The following TBC1D22A variants were observed in gnomAD, a reference collection of about 807,000 sequenced individuals.
TBC1D22A encodes putative GTPase activator.
In TBC1D22A, 38 loss-of-function variants were observed where a neutral mutation model predicts 60.2. That is an observed-to-expected ratio of 0.63 (90% CI 0.49 to 0.83). The LOEUF (loss-of-function observed/expected upper bound fraction) is 0.83. Ranked by LOEUF, TBC1D22A falls within the 40% of genes least tolerant of loss-of-function variation. TBC1D22A has a pLI of 0.00. For missense variants in TBC1D22A, 628 were observed against 701.0 expected (o/e 0.90, Z 1.18); for synonymous variants, 302 against 281.7 (o/e 1.07, Z -0.72).
At chr22:46,925,951 A>G (rs2071025106) in intron 8 of TBC1D22A, among the ~76,000 whole-genome samples, 1 of 152,240 alleles carries the variant, frequency 6.6e-6, no homozygotes, top group Non-Finnish European at 1.5e-5. Context: ...GAGAAGATGG[A>G]GTTTATACAA....
chr22:46,898,188 C>T (rs2068785636), intron 7 of TBC1D22A, among the ~76,000 whole-genome samples: 1 of 152,200 alleles, frequency 6.6e-6, no homozygotes, highest in East Asian at 1.9e-4. Context: ...GCTGACCTCT[C>T]AGGCCTCTTG....
chr22:46,978,382 A>G (rs141642902), intron 9 of TBC1D22A, among the ~76,000 whole-genome samples: 5 of 152,282 alleles, frequency 3.3e-5, no homozygotes, highest in African/African-American at 1.2e-4. Context: ...ACATATTATT[A>G]TAAGTAACAT....
chr22:46,762,723 G>T lies in TBC1D22A; in HGVS notation c.-64G>T. 7.3e-7 allele frequency: 1 copy of T among 1,361,466 alleles called. No individual in the cohort carries two copies. Among genetic ancestry groups the T allele is most frequent in the Non-Finnish European group, 9.5e-7 (1 of 1,049,038 alleles). The allele number at this position is 1,361,466 out of a possible 1,614,324, so 84.3% of individuals were successfully genotyped here. ...GCCACCCGGGGCACAGGAAAGGGCC[G>T]CTAGGGGAGGGCCGGGTGCACTCGG... On this transcript the variant is annotated 5_prime_UTR_variant, in exon 1 of 13. Coordinates refer to ENST00000337137, the MANE Select transcript of TBC1D22A (RefSeq NM_014346.5).
At chr22:46,772,119 A>G (rs2083503184) in intron 1 of TBC1D22A, among the ~76,000 whole-genome samples, 1 of 91,060 alleles carries the variant, frequency 1.1e-5, no homozygotes, top group Admixed American at 1.3e-4. Flanking sequence ...ATATGTATAC[A>G]CACATATACA....
chr22:46,908,210 G>A (rs1015916137), intron 7 of TBC1D22A, among the ~76,000 whole-genome samples: 1 of 152,336 alleles, frequency 6.6e-6, no homozygotes, highest in East Asian at 1.9e-4. Context: ...CAGGCACAAG[G>A]TGATGGTGGT....
intron 11 of TBC1D22A, among the ~76,000 whole-genome samples, chr22:47,097,099 G>GCCTCCACATGAGTATGGGCGTGC (rs2065213168): frequency 2.0e-5 from 3 of 149,474 alleles, no homozygotes; most frequent in Non-Finnish European, 3.0e-5. Context: ...TATGGGCGTG[G>GCCTCCACATGAGTATGGGCGTGC]CCCCGTGTCC....
chr22:47,052,049 C>T (rs1334484907), intron 11 of TBC1D22A, among the ~76,000 whole-genome samples: 1 of 148,448 alleles, frequency 6.7e-6, no homozygotes, highest in Non-Finnish European at 1.5e-5. Context: ...AGCGGTAAGG[C>T]AGGGTGGGGC....
intron 7 of TBC1D22A, among the ~76,000 whole-genome samples, chr22:46,898,878 G>A (rs2068828955): frequency 6.6e-6 from 1 of 152,308 alleles, no homozygotes; most frequent in South Asian, 2.1e-4. Context: ...TTTCCCTTTG[G>A]CTCAATGAGT....
intron 11 of TBC1D22A, among the ~76,000 whole-genome samples, chr22:47,054,870 G>A (rs947241414): frequency 6.6e-6 from 1 of 152,184 alleles, no homozygotes; most frequent in African/African-American, 2.4e-5. Flanking sequence ...CAGAAATGTC[G>A]TGGTGTGTAG....
At chr22:46,995,256 A>C (rs753904836) in intron 9 of TBC1D22A, among the ~76,000 whole-genome samples, 2 of 152,150 alleles carry the variant, frequency 1.3e-5, no homozygotes, top group Non-Finnish European at 2.9e-5. Context: ...CGTCATTCTA[A>C]GTGAAGGTGG....
intron 11 of TBC1D22A, among the ~76,000 whole-genome samples, chr22:47,086,501 A>G (rs1277828606): frequency 6.6e-6 from 1 of 152,190 alleles, no homozygotes; most frequent in Non-Finnish European, 1.5e-5. Flanking sequence ...CGTAGCCTTA[A>G]TCTGGGTAAA....
intron 4 of TBC1D22A, 151 bp from the exon 5 acceptor site, chr22:46,878,502 T>G (rs894701112): frequency 4.4e-6 from 3 of 674,970 alleles, no homozygotes; most frequent in Non-Finnish European, 8.0e-6. Flanking sequence ...GATATTGAAA[T>G]CAATCGTATC....
chr22:46,904,105 A>ATCTG (rs1347635679), intron 7 of TBC1D22A, among the ~76,000 whole-genome samples: 5 of 53,210 alleles, frequency 9.4e-5, no homozygotes, highest in African/African-American at 4.1e-4. Context: ...AAATCTATCT[A>ATCTG]TCTATCTATC....
chr22:46,793,516 G>C lies in TBC1D22A; in HGVS notation c.135G>C (p.Thr45=), dbSNP rs781486523. 15 of 1,614,148 alleles carry C rather than the reference G, an allele frequency of 9.3e-6. No individual in the cohort carries two copies. The highest frequency in any genetic ancestry group is 1.3e-5 in the Non-Finnish European group (15 of 1,180,030). The change falls in exon 3 of 13, where the codon ACG becomes ACC. Residue 45 remains threonine (T), a synonymous_variant. Coordinates refer to ENST00000337137, the MANE Select transcript of TBC1D22A (RefSeq NM_014346.5). ...PLLHGTLLRS[T]AKMPTTPVKA... ...TGCATTGCAGTTTGCTCAGGTCCAC[G>C]GCCAAGATGCCGACCACACCAGTGA...
intron 11 of TBC1D22A, among the ~76,000 whole-genome samples, chr22:47,069,958 GC>G (rs534538430): frequency 0.011 from 1,295 of 123,004 alleles, 75 homozygotes; most frequent in African/African-American, 0.022. Flanking sequence ...GACGGTCCCA[GC>G]GCTGTCCCCT....
chr22:47,045,425 G>A (rs1423917522), intron 11 of TBC1D22A, among the ~76,000 whole-genome samples: 1 of 152,168 alleles, frequency 6.6e-6, no homozygotes, highest in South Asian at 2.1e-4. Flanking sequence ...GGTGTCAGGC[G>A]GCACTGTTGT....
At chr22:46,968,504 G>A (rs2073914545) in intron 8 of TBC1D22A, among the ~76,000 whole-genome samples, 1 of 148,824 alleles carries the variant, frequency 6.7e-6, no homozygotes, top group African/African-American at 2.5e-5. Flanking sequence ...CTGCGTGGCC[G>A]GCGGTCCTGA....
chr22:47,044,371 C>T (rs941708994), intron 11 of TBC1D22A, among the ~76,000 whole-genome samples: 9 of 152,324 alleles, frequency 5.9e-5, no homozygotes, highest in Admixed American at 1.3e-4. Flanking sequence ...AAGGCTGCCT[C>T]GGGTCTCCAC....
intron 12 of TBC1D22A, among the ~76,000 whole-genome samples, chr22:47,141,240 G>C (rs1404251238): frequency 6.6e-6 from 1 of 152,072 alleles, no homozygotes; most frequent in Non-Finnish European, 1.5e-5. Context: ...ACCTCCTGCC[G>C]GGCCCCTCCC....
Sources: allele counts gnomAD v4.1 joint callset (sites outside exome capture counted in the v4.1 genomes callset), GRCh38; gene constraint gnomAD v4.1.1; transcripts MANE v1.5; gene names NCBI Gene and HGNC (gene_info 2026-07-23, HGNC 2026-07-21).